SBF1: variants seen among roughly 807,000 people sequenced by gnomAD.
The protein encoded by SBF1 is SET binding factor 1.
A neutral mutation model predicts 215.8 loss-of-function variants in SBF1; 65 were observed. That is an observed-to-expected ratio of 0.30 (90% CI 0.25 to 0.37). The LOEUF is 0.37. SBF1 is among the 10% of genes least tolerant of loss of function. The pLI is 1.00. For missense variants in SBF1, 2,634 were observed against 2,667.8 expected (o/e 0.99, Z 0.28); for synonymous variants, 1,410 against 1,122.8 (o/e 1.26, Z -5.11).
intron 5 of SBF1, chr22:50,467,084 G>A (rs1473324960): frequency 1.7e-6 from 1 of 587,390 alleles, no homozygotes; most frequent in South Asian, 2.0e-5. Flanking sequence ...CAAACAAGCT[G>A]ACATCAACAT....
rs1007395914 is a variant in SBF1, at chr22:50,446,998, A to C, written c.*144T>G. On this transcript the variant is annotated 3_prime_UTR_variant, in exon 41 of 41. Coordinates refer to ENST00000380817, the MANE Select transcript of SBF1 (RefSeq NM_002972.4). The stretch of plus-strand genomic sequence containing the variant: ...GCCGGCCGGGCGGGGCGGGGCGGGG[A>C]CGGGGGCTGTACACACAAGTGCTGG... 1.7e-5 allele frequency: 13 copies of C among 764,562 alleles called. No individual in the cohort carries two copies. Among genetic ancestry groups the C allele is most frequent in the African/African-American group, 5.2e-5 (3 of 57,444 alleles). 47.4% of individuals were successfully genotyped at this position (764,562 alleles called of 1,614,324 possible). A position where few individuals can be genotyped will look rare whatever the true frequency, so the allele number is the denominator to read the frequency against.
At chr22:50,468,089 G>C (rs1983679) in intron 2 of SBF1, among the ~76,000 whole-genome samples, 166 bp from the exon 3 acceptor site, 2 of 152,032 alleles carry the variant, frequency 1.3e-5, no homozygotes, top group African/African-American at 2.4e-5. Flanking sequence ...CAGTCTCTCC[G>C]GGTGAAGGGA....
In SBF1 at chr22:50,474,771, G is replaced by GA; in HGVS notation, c.55+14_55+15insT. On this transcript the variant is annotated intron_variant, in intron 1 of 40. Coordinates refer to ENST00000380817, the MANE Select transcript of SBF1 (RefSeq NM_002972.4). ...CCTCGGCCCCCGGCCCTCAGCGCTT[G>GA]GCCTCGGCACTCACCGCGCGGGTGC... 6.8e-7 allele frequency: 1 copy of GA among 1,463,752 alleles called. No individual in the cohort carries two copies. Among genetic ancestry groups the GA allele is most frequent in the Non-Finnish European group, 9.0e-7 (1 of 1,111,824 alleles). 90.7% of individuals were successfully genotyped at this position (1,463,752 alleles called of 1,614,324 possible).
In SBF1 at chr22:50,456,532, C is replaced by T. The variant is rs767843492; in HGVS notation, c.4046G>A (p.Arg1349Gln). The T allele has an allele frequency of 1.6e-5, 26 of 1,576,318 alleles. No individual in the cohort carries two copies. In the Admixed American group the frequency reaches 2.8e-4, roughly 17 times the overall value. Residue 1349 changes from arginine to glutamine, a missense_variant, in exon 30 of 41, where the codon CGA becomes CAA. By Grantham distance (43) the Arg-to-Gln change is conservative (BLOSUM62 1). Coordinates refer to ENST00000380817, the MANE Select transcript of SBF1 (RefSeq NM_002972.4). Reference protein sequence around the residue: ...PPDPGFLRPQRAALYILGDKA... With the variant: ...PPDPGFLRPQQAALYILGDKA... ...GTCCCCAAGGATATAGAGGGCTGCT[C>T]GCTGCGGACGCAGGAAGCCCGGGTC...
rs754583466 is a variant in SBF1 at position 50,456,542 on chromosome 22, G to A, written c.4036C>T (p.Arg1346Cys). 16 of 1,587,944 alleles carry A rather than the reference G, an allele frequency of 1.0e-5. No individual in the cohort carries two copies. Among genetic ancestry groups the A allele is most frequent in the Admixed American group, 3.5e-5 (2 of 57,110 alleles). Residue 1346 changes from arginine to cysteine, a missense_variant, in exon 30 of 41, where the codon CGT (arginine) becomes TGT (cysteine). Physicochemically the swap from Arg to Cys is radical, Grantham distance 180. Coordinates refer to ENST00000380817, the MANE Select transcript of SBF1 (RefSeq NM_002972.4). ...ATATAGAGGGCTGCTCGCTGCGGAC[G>A]CAGGAAGCCCGGGTCGGGAGGGCCC... is the stretch of plus-strand genomic sequence containing the variant. ...NGGPPDPGFL[R>C]PQRAALYILG... is the part of the protein sequence containing the mutation.
At chr22:50,465,700 A>T in intron 10 of SBF1, 63 bp downstream of exon 10, 1 of 1,454,776 alleles carries the variant, frequency 6.9e-7, no homozygotes, top group Non-Finnish European at 9.3e-7. Context: ...CAGTGGCAGC[A>T]GACCTGAGTG....
chr22:50,459,902 G>C, intron 26 of SBF1, 50 bp downstream of exon 26: 1 of 1,591,690 alleles, frequency 6.3e-7, no homozygotes. Flanking sequence ...GGGCAGGGAA[G>C]ACACCCAGTC....
At chr22:50,467,135 G>C (rs12628196) in intron 5 of SBF1, 1 of 598,904 alleles carries the variant, frequency 1.7e-6, no homozygotes, top group African/African-American at 1.9e-5. Context: ...GGACAGAGAG[G>C]CTGAACGACA....
At position 50,454,998 on chromosome 22, in the gene SBF1, C is replaced by T; in HGVS notation, c.4681+18G>A. 6.2e-7 allele frequency: 1 copy of T among 1,614,056 alleles called. No individual in the cohort carries two copies. Among genetic ancestry groups the T allele is most frequent in the South Asian group, 1.1e-5 (1 of 91,084 alleles). On this transcript the variant is annotated intron_variant, in intron 34 of 40. Coordinates refer to ENST00000380817, the MANE Select transcript of SBF1 (RefSeq NM_002972.4). ...CCCTCCTGACCCGTGGCTGCCCCAG[C>T]CCCGACTCCCCACATACCCAGCTCA...
rs2068114527 is a variant in SBF1, at chr22:50,474,686, T to TCGGCCCC, written c.55+93_55+99dup. 12 of 519,250 alleles carry TCGGCCCC rather than the reference T, an allele frequency of 2.3e-5. No individual in the cohort carries two copies. The South Asian group carries it at 2.3e-4, about 10-fold the overall frequency. The allele number at this position is 519,250 out of a possible 1,614,324, so 32.2% of individuals were successfully genotyped here. A position where few individuals can be genotyped will look rare whatever the true frequency, so the allele number is the denominator to read the frequency against. ...GGCCTCCCGACCCAGCCCCCAGCCC[T>TCGGCCCC]CGGCCCCCAGCCCCCGGCCCTCGAC... is the stretch of plus-strand genomic sequence containing the variant. On this transcript the variant is annotated intron_variant, in intron 1 of 40. Coordinates refer to ENST00000380817, the MANE Select transcript of SBF1 (RefSeq NM_002972.4).
At chr22:50,459,874 G>T in intron 26 of SBF1, 78 bp downstream of exon 26, 1 of 1,519,454 alleles carries the variant, frequency 6.6e-7, no homozygotes, top group South Asian at 1.1e-5. Context: ...ACCAGAAGCC[G>T]TGGCCCAGGC....
Position 50,446,916 on chromosome 22 carries a change from C to A in SBF1, c.*226G>T. On this transcript the variant is annotated 3_prime_UTR_variant, in exon 41 of 41. Coordinates refer to ENST00000380817, the MANE Select transcript of SBF1 (RefSeq NM_002972.4). The stretch of plus-strand genomic sequence containing the variant: ...GGACTATTTACAGGCCCATTGCGGG[C>A]TGTACCTTGGCCACCTCCCGGCACG... The A allele has an allele frequency of 1.4e-6, 1 of 727,628 alleles. No homozygotes were observed. Among genetic ancestry groups the A allele is most frequent in the Non-Finnish European group, 2.5e-6 (1 of 399,468 alleles). 45.1% of individuals were successfully genotyped at this position (727,628 alleles called of 1,614,324 possible). A position where few individuals can be genotyped will look rare whatever the true frequency, so the allele number is the denominator to read the frequency against.
Position 50,467,358 on chromosome 22 carries a change from G to A in SBF1, c.529C>T (p.Pro177Ser). The A allele has an allele frequency of 6.2e-7, 1 of 1,614,082 alleles. No homozygotes were observed. The highest frequency in any genetic ancestry group is 1.6e-4 in the Middle Eastern group (1 of 6,062). Residue 177 changes from proline (P) to serine (S), a missense_variant, in exon 5 of 41, where the codon CCC becomes TCC. Coordinates refer to ENST00000380817, the MANE Select transcript of SBF1 (RefSeq NM_002972.4). ...CTCACCTGCGAGCCCCCAGCCAGGG[G>A]CACAGTGCACGTCAGCAGGTTCCCA... ...VIGNLLTCTV[P>S]LAGGSQRTIS...
chr22:50,448,625 A>C lies in SBF1; in HGVS notation c.5069T>G (p.Leu1690Trp), dbSNP rs775329310. 6.2e-7 allele frequency: 1 copy of C among 1,611,638 alleles called. No homozygotes were observed. Among genetic ancestry groups the C allele is most frequent in the African/African-American group, 1.3e-5 (1 of 75,064 alleles). ...CTTCCAGCGCTCAGCGGGTTGGCCC[A>C]ACTCTGTCTCCAGCCTCTGCAGCTC... ...LEELQRLETE[L>W]GQPAERWKDT... Residue 1690 changes from leucine to tryptophan, a missense_variant, in exon 37 of 41, where the codon TTG (leucine) becomes TGG (tryptophan). Leu to Trp is a moderately conservative substitution (Grantham distance 61). Transcript: ENST00000380817.
At position 50,464,724 on chromosome 22, in the gene SBF1, T is replaced by C; in HGVS notation, c.1446A>G (p.Pro482=). 6.2e-7 allele frequency: 1 copy of C among 1,607,378 alleles called. No homozygotes were observed. ...EQLYKNENPY[P]AVAMHKVQRP... ...TCTGTACCTTGTGCATCGCCACGGC[T>C]GGGTACGGGTTCTCCTGTGGGGAGA... The change falls in exon 14 of 41, where the codon CCA becomes CCG. Residue 482 remains proline, a synonymous_variant. Transcript: ENST00000380817.
rs2066808396 is a variant in SBF1 at position 50,446,356 on chromosome 22, T to TACCCCCCCCCCCCCCCCCCCC, written c.*785_*786insGGGGGGGGGGGGGGGGGGGGT. 2.9e-5 allele frequency: 1 copy of TACCCCCCCCCCCCCCCCCCCC among 35,048 alleles called. No homozygotes were observed. Among genetic ancestry groups the TACCCCCCCCCCCCCCCCCCCC allele is most frequent in the Non-Finnish European group, 5.8e-5 (1 of 17,172 alleles). 2.2% of individuals were successfully genotyped at this position (35,048 alleles called of 1,614,324 possible). A position where few individuals can be genotyped will look rare whatever the true frequency, so the allele number is the denominator to read the frequency against. ...CCTGCATTCCCCTGGGAGCCCACTG[T>TACCCCCCCCCCCCCCCCCCCC]CCCCCCCCCCCCCCCGCCTCCGGCC... On this transcript the variant is annotated 3_prime_UTR_variant, in exon 41 of 41. Coordinates refer to ENST00000380817, the MANE Select transcript of SBF1 (RefSeq NM_002972.4).
chr22:50,457,197 C>G (rs2067290056), intron 28 of SBF1, 86 bp from the exon 29 acceptor site: 3 of 1,128,630 alleles, frequency 2.7e-6, no homozygotes, highest in Admixed American at 4.0e-5. Context: ...CAGAGGGTTC[C>G]ACCAAGCCCC....
chr22:50,454,634 G>A lies in SBF1; in HGVS notation c.4921C>T (p.Pro1641Ser), dbSNP rs2067175607. ...PYDWELAQGP[P>S]EPPEEERSDG... ...GACCGTTCTTCCTCTGGGGGTTCAG[G>A]GGGCCCCTGGGCCAGTTCCCAGTCA... is the stretch of plus-strand genomic sequence containing the variant. Residue 1641 changes from proline to serine, a missense_variant, in exon 36 of 41, where the codon CCT (proline) becomes TCT (serine). Transcript: ENST00000380817. The A allele has an allele frequency of 4.4e-6, 7 of 1,600,374 alleles. No homozygotes were observed. Among genetic ancestry groups the A allele is most frequent in the East Asian group, 4.5e-5 (2 of 44,728 alleles).
At chr22:50,457,669 T>C (rs2067309566) in intron 28 of SBF1, among the ~76,000 whole-genome samples, 1 of 152,186 alleles carries the variant, frequency 6.6e-6, no homozygotes, top group Non-Finnish European at 1.5e-5. Flanking sequence ...CACAGGCAGA[T>C]CTGAGTCCCA....
Sources: allele counts gnomAD v4.1 joint callset (sites outside exome capture counted in the v4.1 genomes callset), GRCh38; gene constraint gnomAD v4.1.1; transcripts MANE v1.5; gene names NCBI Gene and HGNC (gene_info 2026-07-23, HGNC 2026-07-21).